Variants in INVS observed in about 807,000 individuals in gnomAD.
INVS encodes the protein inversion of embryo turning homolog.
In INVS, 86 loss-of-function variants were observed where a neutral mutation model predicts 108.8. The ratio of observed to expected loss-of-function variants is 0.79; its 90% confidence interval spans 0.66 to 0.95. The LOEUF is 0.95. INVS is among the 40% of genes least tolerant of loss of function. The pLI is 0.00. For synonymous variants in INVS, 455 were observed against 473.5 expected (o/e 0.96, Z 0.51); for missense variants, 1,169 against 1,297.4 (o/e 0.90, Z 1.52).
chr9:100,129,326 A>G (rs1827982943), intron 3 of INVS, among the ~76,000 whole-genome samples: 1 of 151,778 alleles, frequency 6.6e-6, no homozygotes, highest in Non-Finnish European at 1.5e-5. Context: ...TACTAAAAAC[A>G]CACACACATA....
At chr9:100,172,336 G>C (rs1462248694) in intron 3 of INVS, among the ~76,000 whole-genome samples, 1 of 152,034 alleles carries the variant, frequency 6.6e-6, no homozygotes, top group Non-Finnish European at 1.5e-5. Flanking sequence ...GCACAAAATA[G>C]GTGCTAAATA....
chr9:100,265,503 C>G (rs1486053203), intron 11 of INVS, among the ~76,000 whole-genome samples: 2 of 152,272 alleles, frequency 1.3e-5, no homozygotes, highest in South Asian at 4.1e-4. Flanking sequence ...AATTTTAGTC[C>G]TGCTTCTGAC....
chr9:100,239,970 A>G, intron 5 of INVS, 90 bp from the exon 6 acceptor site: 4 of 1,244,076 alleles, frequency 3.2e-6, no homozygotes, highest in Middle Eastern at 1.9e-4. Flanking sequence ...CCCTGTCTCT[A>G]AAAAAGAAAG....
intron 2 of INVS, among the ~76,000 whole-genome samples, chr9:100,109,231 C>T (rs1348395426): frequency 6.6e-6 from 1 of 152,154 alleles, no homozygotes; most frequent in Non-Finnish European, 1.5e-5. Flanking sequence ...ATTTTTAAGC[C>T]TCAGTTTCCT....
At chr9:100,172,352 C>T (rs993797359) in intron 3 of INVS, among the ~76,000 whole-genome samples, 2 of 152,130 alleles carry the variant, frequency 1.3e-5, no homozygotes, top group Admixed American at 6.5e-5. Flanking sequence ...AAATAAATAC[C>T]TTCAAGGAAT....
intron 12 of INVS, among the ~76,000 whole-genome samples, chr9:100,279,325 C>A (rs1833208299): frequency 6.6e-6 from 1 of 152,078 alleles, no homozygotes; most frequent in South Asian, 2.1e-4. Context: ...GAATCTAAGT[C>A]TCAAGGCCAA....
At chr9:100,298,042 G>C in intron 16 of INVS, 32 bp downstream of exon 16, 2 of 1,614,084 alleles carry the variant, frequency 1.2e-6, no homozygotes, top group Non-Finnish European at 1.7e-6. Flanking sequence ...AGATGGTGGG[G>C]AAGAACATGG....
chr9:100,210,486 T>C (rs2118295288), intron 3 of INVS, among the ~76,000 whole-genome samples: 1 of 152,302 alleles, frequency 6.6e-6, no homozygotes, highest in South Asian at 2.1e-4. Flanking sequence ...AAAGTGTTAG[T>C]AATCCTAAGT....
chr9:100,299,317 T>C (rs531276036), intron 16 of INVS, among the ~76,000 whole-genome samples: 1 of 152,246 alleles, frequency 6.6e-6, no homozygotes, highest in South Asian at 2.1e-4. Flanking sequence ...AGTTAATGAA[T>C]ATTATTGCTC....
At position 100,175,516 on chromosome 9, in the gene INVS, A is replaced by G. The variant is rs570891411; in HGVS notation, c.273+48967A>G. 6 of 755,058 alleles carry G rather than the reference A, an allele frequency of 7.9e-6. No homozygotes were observed. The East Asian group carries it at 1.0e-4, about 13-fold the overall frequency. The allele number at this position is 755,058 out of a possible 1,614,324, so 46.8% of individuals were successfully genotyped here. A position where few individuals can be genotyped will look rare whatever the true frequency, so the allele number is the denominator to read the frequency against. ...AAATACCTCAGCCTCCAGCAGATGC[A>G]AGAACTTTACAGCATCCTGAATCTT... On this transcript the variant is annotated intron_variant, in intron 3 of 16. Transcript: ENST00000262457.
At chr9:100,279,432 C>G (rs1833212058) in intron 12 of INVS, among the ~76,000 whole-genome samples, 5 of 152,170 alleles carry the variant, frequency 3.3e-5, no homozygotes, top group Admixed American at 3.3e-4. Flanking sequence ...ATTGAATAAC[C>G]ATCTGTATCA....
At chr9:100,189,455 A>G (rs1382997762) in intron 3 of INVS, among the ~76,000 whole-genome samples, 2 of 151,478 alleles carry the variant, frequency 1.3e-5, no homozygotes, top group East Asian at 3.9e-4. Flanking sequence ...CATTTCAAAG[A>G]ATTTTTTAAT....
chr9:100,292,042 A>G (rs772140516), intron 13 of INVS, among the ~76,000 whole-genome samples: 4 of 152,096 alleles, frequency 2.6e-5, no homozygotes, highest in Non-Finnish European at 5.9e-5. Flanking sequence ...TTTGATTTTC[A>G]ATTTTCTCTT....
chr9:100,150,067 C>T (rs184751991), intron 3 of INVS, among the ~76,000 whole-genome samples: 45 of 152,218 alleles, frequency 3.0e-4, no homozygotes, highest in Admixed American at 2.2e-3. Flanking sequence ...ATCCAGTTTT[C>T]CTGTCAAACC....
At chr9:100,239,451 AACAT>A (rs892495874) in intron 5 of INVS, among the ~76,000 whole-genome samples, 1 of 152,248 alleles carries the variant, frequency 6.6e-6, no homozygotes, top group Non-Finnish European at 1.5e-5. Flanking sequence ...AAAGTATAAA[AACAT>A]ACATCTTTAG....
intron 5 of INVS, among the ~76,000 whole-genome samples, chr9:100,235,207 T>C (rs1831644755): frequency 1.3e-5 from 2 of 152,100 alleles, no homozygotes. Flanking sequence ...TTTTTTTCTT[T>C]CCATTTGCTT....
At chr9:100,196,942 C>G (rs1271868808) in intron 3 of INVS, among the ~76,000 whole-genome samples, 1 of 151,960 alleles carries the variant, frequency 6.6e-6, no homozygotes, top group Non-Finnish European at 1.5e-5. Context: ...CTTCAGTGAC[C>G]AAATATATGG....
At chr9:100,196,070 T>G (rs866986429) in intron 3 of INVS, among the ~76,000 whole-genome samples, 1 of 152,310 alleles carries the variant, frequency 6.6e-6, no homozygotes, top group Middle Eastern at 3.4e-3. Flanking sequence ...AATTATTTAT[T>G]TCTTAACTTT....
chr9:100,168,907 C>T (rs1588056543), intron 3 of INVS, among the ~76,000 whole-genome samples: 1 of 152,128 alleles, frequency 6.6e-6, no homozygotes, highest in East Asian at 1.9e-4. Context: ...CAGGTTGGTT[C>T]TTTTGTCTTT....
Sources: gnomAD v4.1 joint callset for allele counts (sites outside exome capture counted in the v4.1 genomes callset) on GRCh38, gnomAD v4.1.1 for gene constraint, MANE v1.5 for transcripts, NCBI Gene and HGNC (gene_info 2026-07-23, HGNC 2026-07-21) for gene names.